Variants in CHODL observed in about 807,000 individuals in gnomAD.
The protein encoded by CHODL is chondrolectin, also known as transmembrane protein MT75.
A neutral mutation model predicts 34.5 loss-of-function variants in CHODL; 29 were observed. The observed-to-expected ratio is 0.84, with a 90% CI of 0.63 to 1.15. The LOEUF (loss-of-function observed/expected upper bound fraction) is 1.15. Among genes scored for constraint, CHODL ranks in the 50% most tolerant of loss-of-function variants. CHODL has a pLI of 0.00. For missense variants in CHODL, 332 were observed against 332.5 expected (o/e 1.00, Z 0.01); for synonymous variants, 125 against 116.1 (o/e 1.08, Z -0.49).
intron 1 of CHODL, among the ~76,000 whole-genome samples, chr21:17,977,037 C>G (rs2063669078): frequency 6.6e-6 from 1 of 152,152 alleles, no homozygotes; most frequent in Non-Finnish European, 1.5e-5. Flanking sequence ...GTTGCAAGCT[C>G]CATAACACTT....
intron 2 of CHODL, among the ~76,000 whole-genome samples, chr21:18,051,102 T>C (rs868343232): frequency 2.6e-5 from 4 of 151,852 alleles, no homozygotes; most frequent in Admixed American, 2.6e-4. Flanking sequence ...TGACAGGACC[T>C]GGTGTGTGAT....
rs910230595 is a variant in CHODL, at chr21:18,194,585, T to G, written c.-44-61924T>G. On this transcript the variant is annotated intron_variant, in intron 2 of 6. Coordinates refer to the CHODL transcript ENST00000400127. The stretch of plus-strand genomic sequence containing the variant: ...CCCTTCCCTGAGCCTCAATTTAAAT[T>G]AGTCACTGAGTTACTCTTAAAAAAA... Among the ~76,000 whole-genome samples the G allele has an allele frequency of 3.3e-5, 5 of 149,762 alleles. No individual in the cohort carries two copies. In the Admixed American group the frequency reaches 3.4e-4, roughly 10 times the overall value.
intron 2 of CHODL, among the ~76,000 whole-genome samples, chr21:18,170,321 C>T (rs1319505819): frequency 6.6e-6 from 1 of 151,970 alleles, no homozygotes; most frequent in Non-Finnish European, 1.5e-5. Flanking sequence ...TCAAACTAAA[C>T]TTGTGGACAG....
At chr21:18,182,660 C>A (rs2146678592) in intron 2 of CHODL, among the ~76,000 whole-genome samples, 1 of 152,160 alleles carries the variant, frequency 6.6e-6, no homozygotes, top group South Asian at 2.1e-4. Context: ...TGTAAAAATT[C>A]TATTTTAATA....
intron 2 of CHODL, among the ~76,000 whole-genome samples, chr21:18,081,118 C>T (rs755147358): frequency 9.2e-5 from 14 of 152,156 alleles, no homozygotes; most frequent in Admixed American, 4.6e-4. Flanking sequence ...GAATTGCCTT[C>T]GGATTTTGTC....
intron 2 of CHODL, among the ~76,000 whole-genome samples, chr21:18,234,373 G>A (rs938396442): frequency 6.6e-6 from 1 of 152,052 alleles, no homozygotes. Flanking sequence ...TCTACTGGCC[G>A]TGAAGCCTCA....
intron 1 of CHODL, among the ~76,000 whole-genome samples, chr21:18,247,708 C>G (rs1429109783): frequency 9.2e-5 from 14 of 151,990 alleles, no homozygotes; most frequent in Admixed American, 9.2e-4. Context: ...TGATAGTAAT[C>G]AAAGCCTATT....
At chr21:17,920,743 G>T (rs1384826563) in intron 1 of CHODL, among the ~76,000 whole-genome samples, 10 of 152,208 alleles carry the variant, frequency 6.6e-5, no homozygotes, top group Non-Finnish European at 1.5e-4. Context: ...TAGAGAGTGA[G>T]ATCTATCGGA....
rs376497411 is a variant in CHODL, at chr21:17,967,777, G to C, written c.-145+50377G>C. ...AAGCAGTCTCTGACATATTTCTATT[G>C]GTTCAGGGTCAATCGATTAATCAAT... On this transcript the variant is annotated intron_variant, in intron 1 of 6. Coordinates refer to the CHODL transcript ENST00000400127. 3.9e-5 allele frequency among the ~76,000 whole-genome samples: 6 copies of C among 152,018 alleles called. 1 individual carries two copies. Among genetic ancestry groups the C allele is most frequent in the Admixed American group, 1.3e-4 (2 of 15,248 alleles).
At chr21:18,060,111 T>G (rs1035514992) in intron 2 of CHODL, among the ~76,000 whole-genome samples, 2 of 152,070 alleles carry the variant, frequency 1.3e-5, no homozygotes, top group Non-Finnish European at 2.9e-5. Context: ...TCGTATCAAT[T>G]TTTGCCTCCT....
chr21:18,010,199 AG>A (rs1203876445), intron 1 of CHODL, among the ~76,000 whole-genome samples: 4 of 141,714 alleles, frequency 2.8e-5, no homozygotes, highest in Non-Finnish European at 4.6e-5. Context: ...CAGGAGGCTG[AG>A]ACAGGAGAAT....
intron 2 of CHODL, among the ~76,000 whole-genome samples, chr21:18,136,121 A>AAAG (rs1555875215): frequency 0.016 from 2,175 of 138,190 alleles, 133 homozygotes; most frequent in African/African-American, 0.056. Context: ...AAAAAAAAGA[A>AAAG]AAAGAAAAAA....
intron 1 of CHODL, among the ~76,000 whole-genome samples, chr21:18,248,618 A>T (rs1385002987): frequency 8.0e-6 from 1 of 124,662 alleles, no homozygotes; most frequent in African/African-American, 3.4e-5. Context: ...TATAATACAT[A>T]TATAATATAT....
chr21:18,100,373 G>T (rs2065198383), intron 2 of CHODL, among the ~76,000 whole-genome samples: 1 of 152,062 alleles, frequency 6.6e-6, no homozygotes, highest in Non-Finnish European at 1.5e-5. Context: ...ACTACATGTG[G>T]TTGGTGGAGT....
chr21:18,174,121 G>GTATATATATATATATATCTT (rs1491107369), intron 2 of CHODL, among the ~76,000 whole-genome samples: 7 of 60,894 alleles, frequency 1.1e-4, no homozygotes, highest in South Asian at 5.8e-4. Context: ...ATATATCTTG[G>GTATATATATATATATATCTT]TGTATATATA....
chr21:18,238,750 C>T (rs574714128), intron 2 of CHODL, among the ~76,000 whole-genome samples: 3 of 152,202 alleles, frequency 2.0e-5, no homozygotes, highest in Non-Finnish European at 2.9e-5. Context: ...TCAGCACAGA[C>T]GGGCCTGAGT....
intron 2 of CHODL, among the ~76,000 whole-genome samples, chr21:18,125,795 C>A (rs10084558): frequency 0.024 from 3,668 of 151,762 alleles, 81 homozygotes; most frequent in African/African-American, 0.057. Context: ...GAAAAAGGCA[C>A]CAAAAACAGC....
chr21:18,146,475 C>T (rs1469956454), intron 2 of CHODL, among the ~76,000 whole-genome samples: 2 of 152,010 alleles, frequency 1.3e-5, no homozygotes, highest in Non-Finnish European at 2.9e-5. Context: ...AGTGAGTTCT[C>T]ATGAGACCTG....
chr21:18,127,103 A>T (rs1309834178), intron 2 of CHODL, among the ~76,000 whole-genome samples: 3 of 152,230 alleles, frequency 2.0e-5, no homozygotes, highest in Non-Finnish European at 2.9e-5. Flanking sequence ...GATATTGAAG[A>T]GATACCAAGG....
Sources: allele counts gnomAD v4.1 joint callset (sites outside exome capture counted in the v4.1 genomes callset), GRCh38; gene constraint gnomAD v4.1.1; transcripts MANE v1.5; gene names NCBI Gene and HGNC (gene_info 2026-07-23, HGNC 2026-07-21).